The following SH3BGRL2 variants were observed in gnomAD, a reference collection of about 807,000 sequenced individuals.
SH3BGRL2 encodes the protein SH3 domain-binding glutamic acid-rich-like protein 2.
Under a neutral mutation model 14.8 loss-of-function variants are expected in SH3BGRL2, and 21 were observed. The ratio of observed to expected loss-of-function variants is 1.42; its 90% CI spans 1.01 to 2.05. SH3BGRL2 has a LOEUF of 2.05. Ranked by LOEUF, SH3BGRL2 falls within the 30% of genes most tolerant of loss-of-function variation. SH3BGRL2 has a pLI of 0.00. For synonymous variants in SH3BGRL2, 50 were observed against 47.8 expected, an observed-to-expected ratio of 1.05 and a Z score of -0.19; for missense variants, 147 against 130.8, an observed-to-expected ratio of 1.12 and a Z score of -0.61.
chr6:79,556,710 C>G, the SH3BGRL2 span, among the ~76,000 whole-genome samples: 1 of 151,764 alleles, frequency 6.6e-6, no homozygotes, highest in East Asian at 1.9e-4. Context: ...ACAATTCTTA[C>G]AGAATTATTT....
At chr6:79,641,019 C>A (rs896523502) in intron 1 of SH3BGRL2, among the ~76,000 whole-genome samples, 1 of 152,036 alleles carries the variant, frequency 6.6e-6, no homozygotes, top group Non-Finnish European at 1.5e-5. Flanking sequence ...AACAAAAAAC[C>A]CAAAGAGCAA....
At chr6:79,616,269 G>A in the SH3BGRL2 span, among the ~76,000 whole-genome samples, 2 of 152,130 alleles carry the variant, frequency 1.3e-5, no homozygotes, top group Non-Finnish European at 2.9e-5. Flanking sequence ...CAAATGGCAG[G>A]GCAAGAACAC....
chr6:79,665,874 C>G (rs1385158095), intron 1 of SH3BGRL2, among the ~76,000 whole-genome samples: 18 of 152,196 alleles, frequency 1.2e-4, no homozygotes, highest in Admixed American at 1.2e-3. Flanking sequence ...AAGTCAGCCT[C>G]TTTATCCTTG....
intron 1 of SH3BGRL2, among the ~76,000 whole-genome samples, chr6:79,648,881 G>A (rs1181192186): frequency 6.6e-6 from 1 of 152,088 alleles, no homozygotes; most frequent in Non-Finnish European, 1.5e-5. Context: ...TTAAATAAGT[G>A]GCAGGAAGAA....
the SH3BGRL2 span, among the ~76,000 whole-genome samples, chr6:79,547,316 C>G: frequency 1.2e-4 from 18 of 152,204 alleles, no homozygotes; most frequent in African/African-American, 4.3e-4. Context: ...GTAAAGAGCA[C>G]AACCCAGAGA....
At chr6:79,586,983 C>G in the SH3BGRL2 span, among the ~76,000 whole-genome samples, 53 of 152,274 alleles carry the variant, frequency 3.5e-4, 1 homozygote, top group South Asian at 1.0e-2. Context: ...TTACTTTAAT[C>G]TGACTCAGTT....
At chr6:79,696,119 G>A (rs2295014) in intron 2 of SH3BGRL2, among the ~76,000 whole-genome samples, 40,763 of 151,940 alleles carry the variant, frequency 0.27, 6,247 homozygotes, top group South Asian at 0.52. Flanking sequence ...ATCAAGAGTG[G>A]AATTGGGAGG....
At chr6:79,607,208 C>T in the SH3BGRL2 span, among the ~76,000 whole-genome samples, 3 of 152,168 alleles carry the variant, frequency 2.0e-5, no homozygotes, top group African/African-American at 7.2e-5. Context: ...TTTGGAGCTT[C>T]CTATCTCCCA....
At chr6:79,638,665 A>G (rs1562144433) in intron 1 of SH3BGRL2, among the ~76,000 whole-genome samples, 1 of 152,096 alleles carries the variant, frequency 6.6e-6, no homozygotes, top group Non-Finnish European at 1.5e-5. Flanking sequence ...CAATTTCATT[A>G]TCATTTTGAT....
chr6:79,615,893 TG>T, the SH3BGRL2 span, among the ~76,000 whole-genome samples: 1 of 142,368 alleles, frequency 7.0e-6, no homozygotes, highest in African/African-American at 2.6e-5. Flanking sequence ...AGTGCAATGG[TG>T]CAATCTCCGC....
At chr6:79,600,746 CT>C in the SH3BGRL2 span, among the ~76,000 whole-genome samples, 1 of 152,224 alleles carries the variant, frequency 6.6e-6, no homozygotes, top group Non-Finnish European at 1.5e-5. Context: ...AATATAGACA[CT>C]GTCTATCTTC....
At chr6:79,641,915 A>C (rs1314523414) in intron 1 of SH3BGRL2, among the ~76,000 whole-genome samples, 1 of 152,210 alleles carries the variant, frequency 6.6e-6, no homozygotes, top group Non-Finnish European at 1.5e-5. Context: ...TTAAATGTAT[A>C]AGAACATTAT....
intron 1 of SH3BGRL2, among the ~76,000 whole-genome samples, chr6:79,633,884 A>G (rs1468830153): frequency 6.6e-6 from 1 of 152,212 alleles, no homozygotes; most frequent in Non-Finnish European, 1.5e-5. Flanking sequence ...TGGCGAGGCT[A>G]ATGGGGCCAG....
At chr6:79,612,644 C>G in the SH3BGRL2 span, among the ~76,000 whole-genome samples, 16 of 152,268 alleles carry the variant, frequency 1.1e-4, no homozygotes, top group South Asian at 6.2e-4. Flanking sequence ...TGAAATGAAG[C>G]TTGGGGTGTT....
At chr6:79,561,806 C>T in the SH3BGRL2 span, among the ~76,000 whole-genome samples, 5 of 152,274 alleles carry the variant, frequency 3.3e-5, no homozygotes, top group Admixed American at 2.6e-4. Context: ...ATGGAAACTT[C>T]ACTCAAGCTG....
intron 1 of SH3BGRL2, among the ~76,000 whole-genome samples, chr6:79,657,950 A>G (rs1023394148): frequency 6.6e-6 from 1 of 152,202 alleles, no homozygotes; most frequent in Non-Finnish European, 1.5e-5. Flanking sequence ...GAAAATATGT[A>G]CAGATAATAA....
At chr6:79,565,687 T>C in the SH3BGRL2 span, among the ~76,000 whole-genome samples, 23 of 152,214 alleles carry the variant, frequency 1.5e-4, no homozygotes, top group African/African-American at 5.3e-4. Context: ...CCCACAATCA[T>C]TGTGGCAAAC....
At position 79,703,104 on chromosome 6, in the gene SH3BGRL2, T is replaced by C. The variant is rs1770499841; in HGVS notation, c.*3595T>C. 1 of 152,138 alleles carries C rather than the reference T, an allele frequency of 6.6e-6. No individual in the cohort carries two copies. The highest frequency in any genetic ancestry group is 1.5e-5 in the Non-Finnish European group (1 of 68,032). 9.4% of individuals were successfully genotyped at this position (152,138 alleles called of 1,614,324 possible). A position where few individuals can be genotyped will look rare whatever the true frequency, so the allele number is the denominator to read the frequency against. The stretch of plus-strand genomic sequence containing the variant: ...CTACTTGTGATTCAAATCTTCAGAG[T>C]TTTCCTAGTTCTTCTAGAAATACAT... On this transcript the variant is annotated 3_prime_UTR_variant, in exon 4 of 4. Coordinates refer to ENST00000369838, the MANE Select transcript of SH3BGRL2 (RefSeq NM_031469.4).
the SH3BGRL2 span, among the ~76,000 whole-genome samples, chr6:79,553,817 C>CA: frequency 3.3e-5 from 5 of 151,994 alleles, no homozygotes; most frequent in African/African-American, 1.2e-4. Context: ...ACAAAAAATA[C>CA]AAAAAATTAG....
Sources: gnomAD v4.1 joint callset for allele counts (sites outside exome capture counted in the v4.1 genomes callset) on GRCh38, gnomAD v4.1.1 for gene constraint, MANE v1.5 for transcripts, NCBI Gene and HGNC (gene_info 2026-07-23, HGNC 2026-07-21) for gene names.